Variants in KRT8 observed in about 807,000 individuals in gnomAD.
The protein encoded by KRT8 is keratin, type II cytoskeletal 8.
Under a neutral mutation model 43.0 loss-of-function variants are expected in KRT8, and 24 were observed. The observed-to-expected ratio is 0.56, with a 90% confidence interval of 0.40 to 0.78. The LOEUF is 0.78. Ranked by LOEUF, KRT8 falls within the 30% of genes least tolerant of loss-of-function variation. The probability of loss-of-function intolerance (pLI) is 0.00; values close to 1 mark genes in which losing one functional copy is unlikely to be tolerated. For synonymous variants in KRT8, 214 were observed against 261.2 expected (o/e 0.82, Z 1.74); for missense variants, 492 against 638.4 (o/e 0.77, Z 2.47).
upstream of KRT8, among the ~76,000 whole-genome samples, chr12:52,907,235 C>T (rs55958994): frequency 0.12 from 17,749 of 152,208 alleles, 1,109 homozygotes; most frequent in African/African-American, 0.14. Flanking sequence ...TACCCCCTCC[C>T]CAACAAACAC....
At chr12:52,899,083 G>C (rs1419423027) in intron 5 of KRT8, 184 bp from the exon 6 acceptor site, 4 of 627,930 alleles carry the variant, frequency 6.4e-6, no homozygotes, top group African/African-American at 5.4e-5. Flanking sequence ...GGGAGGCCGA[G>C]GCGGGCAGAT....
At chr12:52,899,904 G>C (rs1941321309) in exon 5 of KRT8, 4 of 1,613,080 alleles carry the variant, frequency 2.5e-6, no homozygotes, top group African/African-American at 1.3e-5. Context: ...CCTCATACTT[G>C]ATCTGGTACA....
chr12:52,940,571 C>CG (rs1942251123), intron 2 of KRT8, among the ~76,000 whole-genome samples: 1 of 149,756 alleles, frequency 6.7e-6, no homozygotes, highest in Non-Finnish European at 1.5e-5. Flanking sequence ...CTGGGGGTGT[C>CG]GGGGAGGAGG....
intron 2 of KRT8, chr12:52,947,700 ATTT>A (rs71971733): frequency 7.2e-5 from 7 of 97,386 alleles, no homozygotes; most frequent in African/African-American, 1.4e-4. Flanking sequence ...CTGGTCTCAA[ATTT>A]TTTTTTTTTT....
chr12:52,912,446 G>T (rs956785960), intron 2 of KRT8, among the ~76,000 whole-genome samples: 1 of 152,182 alleles, frequency 6.6e-6, no homozygotes, highest in African/African-American at 2.4e-5. Flanking sequence ...AACTCTTGGG[G>T]TTGGACAGAA....
chr12:52,933,366 T>G (rs1448808048), intron 2 of KRT8, among the ~76,000 whole-genome samples: 1 of 152,228 alleles, frequency 6.6e-6, no homozygotes, highest in Non-Finnish European at 1.5e-5. Flanking sequence ...ACAAAATATG[T>G]GCAAGATTTG....
At chr12:52,898,954 C>G (rs2057932642) in intron 5 of KRT8, 55 bp from the exon 6 acceptor site, 3 of 1,512,314 alleles carry the variant, frequency 2.0e-6, no homozygotes, top group Non-Finnish European at 2.7e-6. Context: ...TCTCTTCTCC[C>G]GTGCTCCCAC....
At chr12:52,926,952 A>ATGAG (rs1942003998) in intron 2 of KRT8, among the ~76,000 whole-genome samples, 1 of 152,066 alleles carries the variant, frequency 6.6e-6, no homozygotes, top group Non-Finnish European at 1.5e-5. Flanking sequence ...GAATGAATGA[A>ATGAG]TGAATGAATG....
intron 1 of KRT8, among the ~76,000 whole-genome samples, chr12:52,902,850 A>G (rs888249503): frequency 1.5e-4 from 23 of 152,012 alleles, no homozygotes; most frequent in Non-Finnish European, 3.1e-4. Flanking sequence ...TGTCCCTACA[A>G]ATAATACAAA....
chr12:52,898,657 G>C (rs369731276), intron 6 of KRT8, 22 bp downstream of exon 6: 94 of 1,613,974 alleles, frequency 5.8e-5, no homozygotes, highest in Non-Finnish European at 7.8e-5. Context: ...AAGCAGGTCC[G>C]GTCAGAGGTA....
rs745822356 is a variant in KRT8, at chr12:52,949,147, C to G, written c.-47+309G>C. On this transcript the variant is annotated intron_variant, in intron 2 of 6. Transcript: ENST00000546826. The stretch of plus-strand genomic sequence containing the variant: ...CCACCGTCGTCCGCAAAGCCTGAGT[C>G]CTGTCCTTTCTCTCTCCCCGGACAG... 1.9e-6 allele frequency: 3 copies of G among 1,589,410 alleles called. No homozygotes were observed. In the South Asian group the frequency reaches 3.3e-5, roughly 18 times the overall value.
At chr12:52,902,508 C>T (rs1194590657) in intron 1 of KRT8, among the ~76,000 whole-genome samples, 2 of 152,050 alleles carry the variant, frequency 1.3e-5, no homozygotes, top group Non-Finnish European at 1.5e-5. Context: ...CTCAGCCTCC[C>T]GAGTAGCTGG....
At chr12:52,901,360 T>G in intron 2 of KRT8, 141 bp from the exon 3 acceptor site, 1 of 719,192 alleles carries the variant, frequency 1.4e-6, no homozygotes, top group Non-Finnish European at 2.5e-6. Context: ...TCCTTCTGCC[T>G]TCCCCAGCTG....
At chr12:52,910,575 G>A (rs1490343397), upstream of KRT8, among the ~76,000 whole-genome samples, 1 of 152,262 alleles carries the variant, frequency 6.6e-6, no homozygotes, top group Non-Finnish European at 1.5e-5. Flanking sequence ...ACTCCTGACA[G>A]TGAAGACAGC....
chr12:52,899,184 G>A (rs1030640624), intron 5 of KRT8, among the ~76,000 whole-genome samples: 3 of 152,128 alleles, frequency 2.0e-5, no homozygotes, highest in Non-Finnish European at 4.4e-5. Flanking sequence ...GCCTGGTGGC[G>A]GGCGCCTGTA....
chr12:52,919,082 A>G lies in KRT8; in HGVS notation c.-46-14055T>C, dbSNP rs1034636601. On this transcript the variant is annotated intron_variant, in intron 2 of 6. Coordinates refer to the KRT8 transcript ENST00000546826. ...AAGAAATAGCATGTAAAAATCCGCC[A>G]TTATGCAAAACAGAAGCTTGCAAAT... 4.6e-5 allele frequency among the ~76,000 whole-genome samples: 7 copies of G among 152,226 alleles called. No homozygotes were observed. The East Asian group carries it at 1.2e-3, about 25-fold the overall frequency.
chr12:52,933,257 G>A (rs751574469), intron 2 of KRT8, among the ~76,000 whole-genome samples: 43 of 152,040 alleles, frequency 2.8e-4, no homozygotes, highest in Non-Finnish European at 4.4e-4. Flanking sequence ...ACAAAATTAC[G>A]TTTCTATATA....
intron 2 of KRT8, chr12:52,949,044 G>T (rs940645676): frequency 2.3e-6 from 2 of 877,024 alleles, no homozygotes; most frequent in Admixed American, 2.1e-5. Flanking sequence ...CTGTGGCTCC[G>T]GCTTCCGAAG....
intron 2 of KRT8, among the ~76,000 whole-genome samples, chr12:52,918,855 C>A (rs1941829755): frequency 6.6e-6 from 1 of 152,102 alleles, no homozygotes; most frequent in African/African-American, 2.4e-5. Context: ...CTTGTGTTCA[C>A]ATCACTTTGA....
Sources: gnomAD v4.1 joint callset for allele counts (sites outside exome capture counted in the v4.1 genomes callset) on GRCh38, gnomAD v4.1.1 for gene constraint, MANE v1.5 for transcripts, NCBI Gene and HGNC (gene_info 2026-07-23, HGNC 2026-07-21) for gene names.